The following ESR1 variants were observed in gnomAD, a reference collection of about 807,000 sequenced individuals.
ESR1 encodes the protein estrogen receptor 1.
A neutral mutation model predicts 52.7 loss-of-function variants in ESR1; 12 were observed. That is an observed-to-expected ratio of 0.23 (90% CI 0.15 to 0.37). The LOEUF is 0.37. ESR1 is among the 10% of genes least tolerant of loss of function. The pLI is 1.00. For synonymous variants in ESR1, 305 were observed against 316.8 expected (o/e 0.96, Z 0.39); for missense variants, 584 against 779.7 (o/e 0.75, Z 2.99).
intron 2 of ESR1, among the ~76,000 whole-genome samples, chr6:151,785,003 C>T (rs1350837581): frequency 7.4e-6 from 1 of 135,104 alleles, no homozygotes; most frequent in East Asian, 2.4e-4. Flanking sequence ...TGGGCAAGGC[C>T]CACCCATGTT....
At chr6:151,728,072 G>A (rs1347696106) in intron 2 of ESR1, among the ~76,000 whole-genome samples, 3 of 152,078 alleles carry the variant, frequency 2.0e-5, no homozygotes, top group Non-Finnish European at 4.4e-5. Context: ...TTTTCTCACA[G>A]CCAAATCAGG....
chr6:151,719,156 T>C (rs12525163), intron 2 of ESR1, among the ~76,000 whole-genome samples: 39,939 of 152,128 alleles, frequency 0.26, 5,450 homozygotes, highest in Non-Finnish European at 0.28. Flanking sequence ...CAACCTAGAC[T>C]AACATCTTGC....
intron 4 of ESR1, chr6:151,983,461 A>G (rs932477): frequency 0.86 from 130,995 of 152,042 alleles, 56,824 homozygotes; most frequent in Middle Eastern, 0.94. Flanking sequence ...GGATGGATAT[A>G]TGTGTGATCC....
At position 152,057,119 on chromosome 6, in the gene ESR1, G is replaced by A. The variant is rs115911477; in HGVS notation, c.1236-3872G>A. ...CTGACCACAATGCATAATGACCTCA[G>A]TAGACACTGAAGAGTTCCTTTGCAT... On this transcript the variant is annotated intron_variant, in intron 5 of 7. Coordinates refer to ENST00000206249, the MANE Select transcript of ESR1 (RefSeq NM_000125.4). Among the ~76,000 whole-genome samples the A allele has an allele frequency of 5.8e-3, 880 of 152,236 alleles. 6 individuals carry two copies. Among genetic ancestry groups the A allele is most frequent in the Non-Finnish European group, 9.4e-3 (640 of 68,016 alleles).
intron 4 of ESR1, among the ~76,000 whole-genome samples, chr6:151,980,046 C>T (rs2039844995): frequency 6.6e-6 from 1 of 152,100 alleles, no homozygotes; most frequent in Non-Finnish European, 1.5e-5. Context: ...TAAATATTTA[C>T]TTGCCTGACG....
intron 1 of ESR1, among the ~76,000 whole-genome samples, chr6:151,826,367 C>T (rs1016452783): frequency 6.6e-6 from 1 of 152,178 alleles, no homozygotes; most frequent in Non-Finnish European, 1.5e-5. Context: ...TCTGATTCCG[C>T]TGTCTAGACA....
At chr6:151,665,934 C>T (rs575804308) in intron 1 of ESR1, among the ~76,000 whole-genome samples, 25 of 152,242 alleles carry the variant, frequency 1.6e-4, no homozygotes, top group African/African-American at 5.8e-4. Context: ...GTTATTTCCT[C>T]GTATCACTTA....
chr6:151,778,479 C>T (rs563317892), intron 2 of ESR1, among the ~76,000 whole-genome samples: 8 of 150,804 alleles, frequency 5.3e-5, no homozygotes, highest in African/African-American at 2.0e-4. Flanking sequence ...GATCTCGGCT[C>T]ATTGCAACCT....
intron 4 of ESR1, among the ~76,000 whole-genome samples, chr6:151,989,882 T>G (rs1025495239): frequency 6.6e-6 from 1 of 152,208 alleles, no homozygotes; most frequent in South Asian, 2.1e-4. Flanking sequence ...ATGTACATTT[T>G]TTTCTGTGTT....
intron 4 of ESR1, among the ~76,000 whole-genome samples, chr6:151,956,319 C>A (rs922716103): frequency 5.9e-5 from 9 of 152,192 alleles, no homozygotes; most frequent in Non-Finnish European, 1.0e-4. Context: ...CACCAGAGAA[C>A]AAAATTGACC....
intron 5 of ESR1, among the ~76,000 whole-genome samples, chr6:152,058,530 G>T (rs922484853): frequency 6.6e-6 from 1 of 152,146 alleles, no homozygotes; most frequent in Non-Finnish European, 1.5e-5. Context: ...TCCATTCTAA[G>T]CACTTTACAT....
intron 3 of ESR1, among the ~76,000 whole-genome samples, chr6:151,882,526 T>A (rs765325701): frequency 1.3e-5 from 2 of 152,208 alleles, no homozygotes; most frequent in Admixed American, 6.5e-5. Flanking sequence ...ACAAAATGCG[T>A]CTTAAGGTAA....
At chr6:151,741,885 T>G (rs1341346332) in intron 2 of ESR1, among the ~76,000 whole-genome samples, 1 of 152,192 alleles carries the variant, frequency 6.6e-6, no homozygotes, top group Non-Finnish European at 1.5e-5. Flanking sequence ...GACTTGTTCA[T>G]CCTATATCTG....
chr6:151,785,916 T>A (rs1184434007), intron 2 of ESR1, among the ~76,000 whole-genome samples: 1 of 152,176 alleles, frequency 6.6e-6, no homozygotes, highest in Non-Finnish European at 1.5e-5. Context: ...TCTATTCATG[T>A]CCTTTCTATT....
At chr6:151,837,302 C>T (rs935242177) in intron 1 of ESR1, among the ~76,000 whole-genome samples, 4 of 151,754 alleles carry the variant, frequency 2.6e-5, no homozygotes, top group Non-Finnish European at 2.9e-5. Flanking sequence ...GTTTCACCAT[C>T]TCGGCCAGGC....
chr6:151,743,675 G>C (rs888122818), intron 2 of ESR1, among the ~76,000 whole-genome samples: 1 of 152,090 alleles, frequency 6.6e-6, no homozygotes, highest in Non-Finnish European at 1.5e-5. Context: ...CTCAATGGTG[G>C]CATCTCTCAT....
intron 3 of ESR1, among the ~76,000 whole-genome samples, chr6:151,912,768 A>G (rs1013381661): frequency 6.6e-6 from 1 of 152,188 alleles, no homozygotes; most frequent in Non-Finnish European, 1.5e-5. Flanking sequence ...TGTCCTTTGC[A>G]GGGACATGGA....
chr6:151,935,612 A>G (rs2034265992), intron 3 of ESR1, among the ~76,000 whole-genome samples: 1 of 152,232 alleles, frequency 6.6e-6, no homozygotes, highest in Admixed American at 6.5e-5. Context: ...GATGGAAAGC[A>G]AGTCCTGACA....
At position 152,122,754 on chromosome 6, in the gene ESR1, TGGAA is replaced by T. The variant is rs1440206533; in HGVS notation, c.851-2510_851-2507del. The stretch of plus-strand genomic sequence containing the variant: ...GCTGCTTTTTGCCTCTGCACCTTCC[TGGAA>T]GCTAAAGGGCCATGCCAAGCACACC... On this transcript the variant is annotated intron_variant, in intron 6 of 6. Coordinates refer to the ESR1 transcript ENST00000427531. 4 of 1,602,372 alleles carry T rather than the reference TGGAA, an allele frequency of 2.5e-6. No homozygotes were observed. In the African/African-American group the frequency reaches 5.3e-5, roughly 21 times the overall value.
Sources: allele counts gnomAD v4.1 joint callset (sites outside exome capture counted in the v4.1 genomes callset), GRCh38; gene constraint gnomAD v4.1.1; transcripts MANE v1.5; gene names NCBI Gene and HGNC (gene_info 2026-07-23, HGNC 2026-07-21).